GRID2: variants seen among roughly 807,000 people sequenced by gnomAD.
GRID2 encodes the protein glutamate receptor ionotropic, delta-2.
GRID2 carries 33 observed loss-of-function variants against 114.8 expected under a neutral mutation model. That is an observed-to-expected ratio of 0.29 (90% CI 0.22 to 0.38). GRID2 has a LOEUF of 0.38. Ranked by LOEUF, GRID2 falls within the 10% of genes least tolerant of loss-of-function variation. The pLI, the probability that GRID2 is intolerant of heterozygous loss-of-function variation, is 1.00. For synonymous variants in GRID2, 505 were observed against 449.9 expected (o/e 1.12, Z -1.55); for missense variants, 1,184 against 1,257.7 (o/e 0.94, Z 0.89).
chr4:93,778,132 T>C (rs894837597), downstream of GRID2, among the ~76,000 whole-genome samples: 1 of 152,176 alleles, frequency 6.6e-6, no homozygotes, highest in Non-Finnish European at 1.5e-5. Flanking sequence ...TTTACAAAAA[T>C]TCAAGTTATC....
chr4:93,169,288 A>G (rs936197430), intron 4 of GRID2, among the ~76,000 whole-genome samples: 2 of 152,108 alleles, frequency 1.3e-5, no homozygotes. Context: ...TTTCACACCC[A>G]GTTGAAATAT....
intron 1 of GRID2, among the ~76,000 whole-genome samples, chr4:92,489,985 G>C (rs577970885): frequency 6.6e-6 from 1 of 152,052 alleles, no homozygotes; most frequent in Non-Finnish European, 1.5e-5. Flanking sequence ...TTCCAAACAA[G>C]GAAACTAAAA....
At chr4:92,686,035 A>G (rs1326341841) in intron 2 of GRID2, among the ~76,000 whole-genome samples, 1 of 152,026 alleles carries the variant, frequency 6.6e-6, no homozygotes, top group Non-Finnish European at 1.5e-5. Context: ...AAAAAAATCA[A>G]TTTACATTCT....
chr4:92,811,822 T>C (rs774740800), intron 2 of GRID2, among the ~76,000 whole-genome samples: 16 of 152,096 alleles, frequency 1.1e-4, no homozygotes, highest in Non-Finnish European at 1.8e-4. Flanking sequence ...GTTAACAATT[T>C]AAAAGTAGCA....
intron 2 of GRID2, among the ~76,000 whole-genome samples, chr4:92,973,916 G>C (rs1422846000): frequency 6.6e-6 from 1 of 151,938 alleles, no homozygotes; most frequent in African/African-American, 2.4e-5. Context: ...CTACAGAATG[G>C]GAGAAAATTT....
intron 8 of GRID2, among the ~76,000 whole-genome samples, chr4:93,301,879 GATAAA>G (rs1754906299): frequency 6.6e-6 from 1 of 152,056 alleles, no homozygotes; most frequent in Non-Finnish European, 1.5e-5. Context: ...AACAAAACAT[GATAAA>G]ATAAAAATAA....
chr4:92,655,615 G>C (rs62309206), intron 2 of GRID2, among the ~76,000 whole-genome samples: 9,231 of 151,178 alleles, frequency 0.061, 357 homozygotes, highest in East Asian at 0.16. Flanking sequence ...TCATTTCTAA[G>C]TATTCTTTTT....
At chr4:93,160,401 A>G (rs888764407) in intron 4 of GRID2, among the ~76,000 whole-genome samples, 17 of 151,892 alleles carry the variant, frequency 1.1e-4, no homozygotes, top group African/African-American at 4.1e-4. Flanking sequence ...GTTTACTTCA[A>G]GAGATAAAAG....
intron 2 of GRID2, among the ~76,000 whole-genome samples, chr4:92,895,883 A>G (rs1747131184): frequency 6.6e-6 from 1 of 152,160 alleles, no homozygotes; most frequent in African/African-American, 2.4e-5. Context: ...TTTTCTTTCC[A>G]CTAACATTCT....
chr4:93,019,591 G>A (rs1259360105), intron 2 of GRID2, among the ~76,000 whole-genome samples: 2 of 152,006 alleles, frequency 1.3e-5, no homozygotes, highest in African/African-American at 4.8e-5. Flanking sequence ...AATAAAAAAG[G>A]GCAGAAGATA....
chr4:93,729,346 C>T (rs905250257), intron 14 of GRID2, among the ~76,000 whole-genome samples: 1 of 152,106 alleles, frequency 6.6e-6, no homozygotes, highest in Non-Finnish European at 1.5e-5. Flanking sequence ...ACTGAAAAAC[C>T]TCTAAATTCA....
chr4:93,270,710 C>G (rs1417333433), intron 8 of GRID2, among the ~76,000 whole-genome samples: 1 of 152,038 alleles, frequency 6.6e-6, no homozygotes, highest in East Asian at 1.9e-4. Context: ...CTCACTGCAA[C>G]CTCTGTCTCC....
chr4:93,614,810 G>C (rs1285173605), intron 13 of GRID2, among the ~76,000 whole-genome samples: 1 of 152,070 alleles, frequency 6.6e-6, no homozygotes, highest in East Asian at 1.9e-4. Flanking sequence ...CTTTTTAAAA[G>C]GGGAACATAA....
At chr4:93,369,513 A>T (rs1368587060) in intron 8 of GRID2, among the ~76,000 whole-genome samples, 1 of 152,138 alleles carries the variant, frequency 6.6e-6, no homozygotes, top group East Asian at 1.9e-4. Flanking sequence ...TCTTTGAGAC[A>T]GGGTCTTGCT....
chr4:93,660,727 A>T (rs1334392852), intron 14 of GRID2, among the ~76,000 whole-genome samples: 1 of 152,146 alleles, frequency 6.6e-6, no homozygotes, highest in Admixed American at 6.5e-5. Flanking sequence ...CTAACAGAAG[A>T]CTCAAGACTC....
chr4:93,479,979 T>C (rs1321869701), intron 11 of GRID2, among the ~76,000 whole-genome samples: 1 of 152,094 alleles, frequency 6.6e-6, no homozygotes, highest in Non-Finnish European at 1.5e-5. Flanking sequence ...AAAATTCTCT[T>C]TACTTGTATA....
chr4:93,289,635 G>A (rs72874912), intron 8 of GRID2, among the ~76,000 whole-genome samples: 7,594 of 152,176 alleles, frequency 0.05, 621 homozygotes, highest in African/African-American at 0.17. Context: ...TTGTTTATAT[G>A]CAAATATACA....
chr4:93,233,508 A>T (rs1269915099), intron 7 of GRID2, among the ~76,000 whole-genome samples: 2 of 151,526 alleles, frequency 1.3e-5, no homozygotes, highest in Non-Finnish European at 2.9e-5. Context: ...ACACCTGGCT[A>T]ATTTTTGTAT....
intron 14 of GRID2, among the ~76,000 whole-genome samples, chr4:93,717,341 T>C (rs1482581437): frequency 1.3e-5 from 2 of 152,120 alleles, no homozygotes; most frequent in African/African-American, 2.4e-5. Context: ...ATATTAATTA[T>C]CTTTTGGGTT....
Sources: allele counts gnomAD v4.1 joint callset (sites outside exome capture counted in the v4.1 genomes callset), GRCh38; gene constraint gnomAD v4.1.1; transcripts MANE v1.5; gene names NCBI Gene and HGNC (gene_info 2026-07-23, HGNC 2026-07-21).